PALLD: variants seen among roughly 807,000 people sequenced by gnomAD.
PALLD encodes the protein palladin, cytoskeletal associated protein.
Under a neutral mutation model 123.5 loss-of-function variants are expected in PALLD, and 61 were observed. That is an observed-to-expected ratio of 0.49 (90% CI 0.40 to 0.61). The LOEUF (loss-of-function observed/expected upper bound fraction) is 0.61. Ranked by LOEUF, PALLD falls within the 20% of genes least tolerant of loss-of-function variation. The probability of loss-of-function intolerance (pLI) is 0.00; values close to 1 mark genes in which losing one functional copy is unlikely to be tolerated. For synonymous variants in PALLD, 465 were observed against 496.4 expected (o/e 0.94, Z 0.84); for missense variants, 1,273 against 1,377.0 (o/e 0.92, Z 1.20).
chr4:168,702,484 G>A (rs5021006), intron 8 of PALLD, among the ~76,000 whole-genome samples: 26,808 of 152,088 alleles, frequency 0.18, 2,975 homozygotes, highest in East Asian at 0.33. Context: ...AATCTGGAAG[G>A]CGGAGGTTGC....
intron 10 of PALLD, among the ~76,000 whole-genome samples, chr4:168,877,094 T>C (rs143129259): frequency 6.6e-6 from 1 of 152,340 alleles, no homozygotes; most frequent in East Asian, 1.9e-4. Flanking sequence ...TAACATACAA[T>C]ATCAATGTGT....
intron 2 of PALLD, among the ~76,000 whole-genome samples, chr4:168,564,291 A>G (rs1433638695): frequency 1.3e-5 from 2 of 152,216 alleles, no homozygotes; most frequent in Non-Finnish European, 2.9e-5. Flanking sequence ...AGACTCCAAC[A>G]TAACCAGTGT....
Position 168,638,477 on chromosome 4 carries a change from CTT to C in PALLD, c.909-29712_909-29711del, listed in dbSNP as rs1292096028. Among the ~76,000 whole-genome samples, 7 of 152,310 alleles carry C rather than the reference CTT, an allele frequency of 4.6e-5. 1 individual carries two copies. Among genetic ancestry groups the C allele is most frequent in the African/African-American group, 1.7e-4 (7 of 41,580 alleles). On this transcript the variant is annotated intron_variant, in intron 2 of 21. Coordinates refer to ENST00000505667, the MANE Select transcript of PALLD (RefSeq NM_001166108.2). The stretch of plus-strand genomic sequence containing the variant: ...TTCTGAGTCTAGATCAGGTCCTTTG[CTT>C]AGTCCCTTAGCTAAAGCTTCATCTT...
intron 10 of PALLD, among the ~76,000 whole-genome samples, chr4:168,779,481 CATCATATATATATAAAAA>C (rs1451819656): frequency 1.3e-5 from 2 of 150,950 alleles, no homozygotes; most frequent in Non-Finnish European, 2.9e-5. Context: ...TTCATGTGAA[CATCATATATATATAAAAA>C]ATCATATATA....
intron 2 of PALLD, among the ~76,000 whole-genome samples, chr4:168,637,853 A>T (rs1776504082): frequency 6.7e-6 from 1 of 148,762 alleles, no homozygotes; most frequent in Non-Finnish European, 1.5e-5. Context: ...CTGAGACAGG[A>T]GAATTGCTTG....
Position 168,507,961 on chromosome 4 carries a change from G to A in PALLD, c.-82-3462G>A, listed in dbSNP as rs555272238. Among the ~76,000 whole-genome samples the A allele has an allele frequency of 1.2e-4, 19 of 152,182 alleles. No homozygotes were observed. The East Asian group carries it at 2.5e-3, about 20-fold the overall frequency. ...TTGCCAGTATCCTCTTCACCTCCCCGCTCTTCCTCATCCCTCACACATCAT... is the reference window on the plus strand; with the variant it reads ...TTGCCAGTATCCTCTTCACCTCCCCACTCTTCCTCATCCCTCACACATCAT... On this transcript the variant is annotated intron_variant, in intron 1 of 21. Transcript: ENST00000505667.
chr4:168,789,759 C>T (rs1010088008), intron 10 of PALLD, among the ~76,000 whole-genome samples: 1 of 151,456 alleles, frequency 6.6e-6, no homozygotes, highest in African/African-American at 2.4e-5. Context: ...CAAACACTTT[C>T]GTATTTTCAT....
At chr4:168,532,398 G>C (rs1051507848) in intron 2 of PALLD, among the ~76,000 whole-genome samples, 1 of 152,060 alleles carries the variant, frequency 6.6e-6, no homozygotes, top group Non-Finnish European at 1.5e-5. Context: ...AGAATAGCCA[G>C]GTATTATAGG....
chr4:168,679,156 G>A (rs1361482464), intron 3 of PALLD, among the ~76,000 whole-genome samples: 3 of 129,102 alleles, frequency 2.3e-5, no homozygotes, highest in African/African-American at 9.0e-5. Context: ...TGTGTGGGGG[G>A]TGTGTGTGCA....
At chr4:168,498,708 T>C (rs1262651042) in intron 1 of PALLD, among the ~76,000 whole-genome samples, 1 of 152,172 alleles carries the variant, frequency 6.6e-6, no homozygotes, top group Non-Finnish European at 1.5e-5. Flanking sequence ...GACTAAAATT[T>C]CTAACTGTTA....
chr4:168,881,702 G>A (rs1752633248), intron 10 of PALLD, among the ~76,000 whole-genome samples: 1 of 152,098 alleles, frequency 6.6e-6, no homozygotes, highest in South Asian at 2.1e-4. Flanking sequence ...AGTAAGGAGA[G>A]CATGCCTTAG....
At chr4:168,806,015 A>G (rs10440486) in intron 10 of PALLD, among the ~76,000 whole-genome samples, 139,044 of 152,232 alleles carry the variant, frequency 0.91, 63,558 homozygotes, top group African/African-American at 0.94. Flanking sequence ...TCCCTTTGCT[A>G]TTCTCATGAT....
chr4:168,597,760 T>C (rs1307697942), intron 2 of PALLD, among the ~76,000 whole-genome samples: 2 of 152,146 alleles, frequency 1.3e-5, no homozygotes, highest in African/African-American at 2.4e-5. Context: ...TGAAAAAAAC[T>C]CTAAAACATT....
chr4:168,749,398 A>G (rs1050263441), intron 10 of PALLD, among the ~76,000 whole-genome samples: 8 of 128,318 alleles, frequency 6.2e-5, no homozygotes, highest in East Asian at 2.5e-4. Flanking sequence ...GTGACTTCCT[A>G]TCACCTTTAA....
At chr4:168,517,894 T>C (rs1038280737) in intron 2 of PALLD, among the ~76,000 whole-genome samples, 3 of 152,174 alleles carry the variant, frequency 2.0e-5, no homozygotes, top group African/African-American at 7.2e-5. Context: ...TGTAAATAGG[T>C]ACAACCAGTT....
intron 2 of PALLD, among the ~76,000 whole-genome samples, chr4:168,662,264 C>T (rs1224044436): frequency 3.3e-5 from 5 of 152,190 alleles, no homozygotes. Context: ...AGTGGATTCT[C>T]TCTTAGCCAC....
chr4:168,764,590 A>AT (rs1036078846), intron 10 of PALLD, among the ~76,000 whole-genome samples: 32 of 149,394 alleles, frequency 2.1e-4, no homozygotes, highest in Non-Finnish European at 2.8e-4. Context: ...ACTTTTAGAG[A>AT]TTTTTTTTTT....
chr4:168,638,284 AACAGAG>A (rs1312079096), intron 2 of PALLD, among the ~76,000 whole-genome samples: 3 of 152,242 alleles, frequency 2.0e-5, no homozygotes, highest in African/African-American at 7.2e-5. Flanking sequence ...GCTACTAAGT[AACAGAG>A]ACAAAGCGGA....
At chr4:168,733,127 GT>G (rs1787345753) in intron 10 of PALLD, among the ~76,000 whole-genome samples, 1 of 152,078 alleles carries the variant, frequency 6.6e-6, no homozygotes, top group Admixed American at 6.6e-5. Flanking sequence ...TAACTATTAA[GT>G]CAGGGTAATT....
Sources: allele counts gnomAD v4.1 joint callset (sites outside exome capture counted in the v4.1 genomes callset), GRCh38; gene constraint gnomAD v4.1.1; transcripts MANE v1.5; gene names NCBI Gene and HGNC (gene_info 2026-07-23, HGNC 2026-07-21).